KCNIP1: variants seen among roughly 807,000 people sequenced by gnomAD.
KCNIP1 encodes the protein potassium voltage-gated channel interacting protein 1, also known as A-type potassium channel modulatory protein KCNIP1.
Under a neutral mutation model 33.0 loss-of-function variants are expected in KCNIP1, and 18 were observed. The ratio of observed to expected loss-of-function variants is 0.55; its 90% CI spans 0.38 to 0.81. The LOEUF (loss-of-function observed/expected upper bound fraction) is 0.81, where lower values mean the gene tolerates loss of function less well. KCNIP1 is among the 30% of genes least tolerant of loss of function. KCNIP1 has a pLI of 0.00. For synonymous variants in KCNIP1, 93 were observed against 98.3 expected, an observed-to-expected ratio of 0.95 and a Z score of 0.32; for missense variants, 238 against 271.6, an observed-to-expected ratio of 0.88 and a Z score of 0.87.
At chr5:170,438,088 G>A (rs1163140719) in intron 1 of KCNIP1, among the ~76,000 whole-genome samples, 4 of 152,144 alleles carry the variant, frequency 2.6e-5, no homozygotes, top group East Asian at 1.9e-4. Flanking sequence ...TGGCTTTATC[G>A]AGAGGCTCTG....
At chr5:170,670,645 C>T (rs1463727162) in intron 1 of KCNIP1, among the ~76,000 whole-genome samples, 1 of 152,174 alleles carries the variant, frequency 6.6e-6, no homozygotes, top group Non-Finnish European at 1.5e-5. Context: ...GTAATCCCAG[C>T]ACTTTGGGAG....
At chr5:170,557,410 C>G (rs559439371) in intron 1 of KCNIP1, among the ~76,000 whole-genome samples, 1 of 152,274 alleles carries the variant, frequency 6.6e-6, no homozygotes, top group Non-Finnish European at 1.5e-5. Flanking sequence ...TCCAGTACCT[C>G]ATGCCTTCTT....
rs1384358020 is a variant in KCNIP1, at chr5:170,736,498, G to A, written c.*692G>A. ...CCAGGAAGGGAGCCATTGCCCAGTG[G>A]TCCATATCTCCACCACATCCCCTGC... On this transcript the variant is annotated 3_prime_UTR_variant, in exon 8 of 8. Coordinates refer to ENST00000328939, the MANE Select transcript of KCNIP1 (RefSeq NM_014592.4). 6.6e-6 allele frequency: 1 copy of A among 152,272 alleles called. No individual in the cohort carries two copies. The highest frequency in any genetic ancestry group is 1.5e-5 in the Non-Finnish European group (1 of 68,050). 9.4% of individuals were successfully genotyped at this position (152,272 alleles called of 1,614,324 possible).
At chr5:170,498,708 T>A (rs1205947273) in intron 1 of KCNIP1, among the ~76,000 whole-genome samples, 3 of 152,212 alleles carry the variant, frequency 2.0e-5, no homozygotes, top group African/African-American at 7.2e-5. Context: ...AATGAATGAA[T>A]GAATGATCCA....
At chr5:170,579,045 T>C (rs916884025) in intron 1 of KCNIP1, among the ~76,000 whole-genome samples, 1 of 152,156 alleles carries the variant, frequency 6.6e-6, no homozygotes, top group East Asian at 1.9e-4. Context: ...TGTAATGCTG[T>C]GTAACAAACC....
At chr5:170,424,385 A>G (rs1292482318) in intron 1 of KCNIP1, among the ~76,000 whole-genome samples, 1 of 152,196 alleles carries the variant, frequency 6.6e-6, no homozygotes, top group African/African-American at 2.4e-5. Flanking sequence ...CTGCCCCCAG[A>G]GTAGGGAATA....
chr5:170,411,649 A>G (rs34700223), intron 1 of KCNIP1, among the ~76,000 whole-genome samples: 99,414 of 151,688 alleles, frequency 0.66, 32,629 homozygotes, highest in Middle Eastern at 0.72. Flanking sequence ...TATCCCCCCA[A>G]CAAATCTATA....
chr5:170,512,940 C>T (rs1258066436), intron 1 of KCNIP1, among the ~76,000 whole-genome samples: 1 of 152,070 alleles, frequency 6.6e-6, no homozygotes, highest in African/African-American at 2.4e-5. Context: ...GTCCCAGCTA[C>T]TCGGGAGGTT....
At chr5:170,540,617 C>T (rs1016074028) in intron 1 of KCNIP1, among the ~76,000 whole-genome samples, 1 of 152,218 alleles carries the variant, frequency 6.6e-6, no homozygotes, top group Non-Finnish European at 1.5e-5. Flanking sequence ...TTGGGCAGCC[C>T]ATCCTCAGTA....
intron 1 of KCNIP1, among the ~76,000 whole-genome samples, chr5:170,506,338 A>C (rs1306096310): frequency 6.6e-6 from 1 of 152,104 alleles, no homozygotes; most frequent in African/African-American, 2.4e-5. Context: ...TCCCGGAGGG[A>C]AGGGTATGTA....
At chr5:170,558,822 T>G (rs1756930675) in intron 1 of KCNIP1, among the ~76,000 whole-genome samples, 1 of 152,226 alleles carries the variant, frequency 6.6e-6, no homozygotes, top group Non-Finnish European at 1.5e-5. Flanking sequence ...AACAAAGTGC[T>G]TATAAACCCC....
chr5:170,723,827 G>T (rs1014766669), intron 5 of KCNIP1, among the ~76,000 whole-genome samples: 19 of 152,146 alleles, frequency 1.2e-4, no homozygotes, highest in African/African-American at 3.4e-4. Flanking sequence ...ACTGGAACCA[G>T]TTATACAAAA....
At chr5:170,673,759 C>T (rs1762013584) in intron 1 of KCNIP1, among the ~76,000 whole-genome samples, 1 of 152,130 alleles carries the variant, frequency 6.6e-6, no homozygotes, top group Admixed American at 6.5e-5. Context: ...ATGTCACTCT[C>T]AACGCTTTAT....
At chr5:170,579,177 C>G (rs1209821563) in intron 1 of KCNIP1, among the ~76,000 whole-genome samples, 1 of 152,196 alleles carries the variant, frequency 6.6e-6, no homozygotes, top group Non-Finnish European at 1.5e-5. Context: ...TCCACTTTCT[C>G]TTAAAGTCAC....
Position 170,733,917 on chromosome 5 carries a change from G to A in KCNIP1, c.603+19G>A. ...TCAGGAGGTAAGGAGAGATCTCAGG[G>A]CACAATAACTCTACATCTGGGAAAG... On this transcript the variant is annotated intron_variant, in intron 7 of 7. Coordinates refer to ENST00000328939, the MANE Select transcript of KCNIP1 (RefSeq NM_014592.4). 6.2e-7 allele frequency: 1 copy of A among 1,605,320 alleles called. No individual in the cohort carries two copies. Among genetic ancestry groups the A allele is most frequent in the Non-Finnish European group, 8.5e-7 (1 of 1,172,506 alleles).
chr5:170,504,426 C>T lies in KCNIP1; in HGVS notation c.-147C>T. 1 of 1,487,298 alleles carries T rather than the reference C, an allele frequency of 6.7e-7. No homozygotes were observed. Among genetic ancestry groups the T allele is most frequent in the Non-Finnish European group, 8.9e-7 (1 of 1,126,096 alleles). The allele number at this position is 1,487,298 out of a possible 1,614,324, so 92.1% of individuals were successfully genotyped here. Reference sequence around the variant, plus strand: ...AGCCAGAAGCCTCCTAGCCTCGCCTCCACGCTTGCTGAATACCAAGCTGCA... The same window carrying T: ...AGCCAGAAGCCTCCTAGCCTCGCCTTCACGCTTGCTGAATACCAAGCTGCA... On this transcript the variant is annotated 5_prime_UTR_variant, in exon 1 of 8. Coordinates refer to ENST00000328939, the MANE Select transcript of KCNIP1 (RefSeq NM_014592.4). The surrounding 1 kb of genome is among the most constrained non-coding windows in gnomAD (Gnocchi z 6.0).
At position 170,504,697 on chromosome 5, in the gene KCNIP1, C is replaced by A; in HGVS notation, c.61+64C>A. The A allele has an allele frequency of 7.6e-7, 1 of 1,320,432 alleles. No individual in the cohort carries two copies. Among genetic ancestry groups the A allele is most frequent in the Non-Finnish European group, 1.1e-6 (1 of 913,706 alleles). The allele number at this position is 1,320,432 out of a possible 1,614,324, so 81.8% of individuals were successfully genotyped here. A position where few individuals can be genotyped will look rare whatever the true frequency, so the allele number is the denominator to read the frequency against. ...TGGGGGTGCTAGGCGCCGAGGTGGG[C>A]TGTGCCACCTGCCTCCCTTAGTCCG... On this transcript the variant is annotated intron_variant, in intron 1 of 7. Coordinates refer to ENST00000328939, the MANE Select transcript of KCNIP1 (RefSeq NM_014592.4). This position sits in a 1 kb window ranked among gnomAD's most constrained non-coding sequence, Gnocchi z 6.0.
At chr5:170,390,373 G>A (rs1375552233) in intron 1 of KCNIP1, among the ~76,000 whole-genome samples, 1 of 151,192 alleles carries the variant, frequency 6.6e-6, no homozygotes, top group East Asian at 1.9e-4. Flanking sequence ...GGGCATAGTG[G>A]TGCATGCCTG....
chr5:170,634,229 G>C (rs1760195832), intron 1 of KCNIP1, among the ~76,000 whole-genome samples: 1 of 152,220 alleles, frequency 6.6e-6, no homozygotes, highest in African/African-American at 2.4e-5. Flanking sequence ...GTTCGGACTT[G>C]TTAAGTTTGA....
Sources: gnomAD v4.1 joint callset for allele counts (sites outside exome capture counted in the v4.1 genomes callset) on GRCh38, gnomAD v4.1.1 for gene constraint, Gnocchi (gnomAD v3.1) non-coding constraint, MANE v1.5 for transcripts, NCBI Gene and HGNC (gene_info 2026-07-23, HGNC 2026-07-21) for gene names.